Variants in CACNA1C observed in about 807,000 individuals in gnomAD.
CACNA1C encodes calcium voltage-gated channel subunit alpha1 C, also known as voltage-dependent L-type calcium channel subunit alpha-1C.
In CACNA1C, 30 loss-of-function variants were observed where a neutral mutation model predicts 229.0. The ratio of observed to expected loss-of-function variants is 0.13; its 90% CI spans 0.10 to 0.18. The LOEUF (loss-of-function observed/expected upper bound fraction) is 0.18. CACNA1C is among the 10% of genes least tolerant of loss of function. The pLI is 1.00. For missense variants in CACNA1C, 1,658 were observed against 2,845.0 expected (o/e 0.58, Z 9.49); for synonymous variants, 1,114 against 1,132.5 (o/e 0.98, Z 0.33).
intron 1 of CACNA1C, among the ~76,000 whole-genome samples, chr12:2,039,514 A>C (rs1488785176): frequency 6.6e-6 from 1 of 152,250 alleles, no homozygotes; most frequent in Admixed American, 6.5e-5. Context: ...ACTGTGAGCC[A>C]AGTACTATTC....
chr12:2,535,374 G>A (rs2099850898), intron 9 of CACNA1C, among the ~76,000 whole-genome samples: 1 of 150,338 alleles, frequency 6.7e-6, no homozygotes, highest in African/African-American at 2.5e-5. Context: ...GGACAACAGA[G>A]TGAGGCCCTG....
In CACNA1C at chr12:2,695,025, T is replaced by G. The variant is rs754335134; in HGVS notation, c.*3826T>G. The G allele has an allele frequency of 1.1e-4, 17 of 152,196 alleles. No homozygotes were observed. Among genetic ancestry groups the G allele is most frequent in the Non-Finnish European group, 2.4e-4 (16 of 68,014 alleles). The allele number at this position is 152,196 out of a possible 1,614,324, so 9.4% of individuals were successfully genotyped here. A position where few individuals can be genotyped will look rare whatever the true frequency, so the allele number is the denominator to read the frequency against. On this transcript the variant is annotated 3_prime_UTR_variant, in exon 47 of 47. Coordinates refer to ENST00000399655, the MANE Select transcript of CACNA1C (RefSeq NM_000719.7). ...TATCATTGTCAAGGATTAGAAACAA[T>G]TCAGCAAAGAGGCCACAAAAAGGGC...
At chr12:2,457,490 G>A (rs1434545350) in intron 4 of CACNA1C, 77 bp from the exon 5 acceptor site, 1 of 1,490,408 alleles carries the variant, frequency 6.7e-7, no homozygotes, top group Non-Finnish European at 9.1e-7. Flanking sequence ...TTTCCGGGCT[G>A]TATCCAGAGG....
chr12:1,983,843 T>TAAA (rs563139361), intron 1 of CACNA1C, among the ~76,000 whole-genome samples: 2 of 148,318 alleles, frequency 1.3e-5, no homozygotes, highest in Non-Finnish European at 3.0e-5. Context: ...ACTGCAGAAT[T>TAAA]AAAAAAAAAA....
chr12:2,402,319 C>T (rs1032805781), intron 3 of CACNA1C, among the ~76,000 whole-genome samples: 3 of 152,244 alleles, frequency 2.0e-5, no homozygotes, highest in Non-Finnish European at 2.9e-5. Context: ...CCACGTGCAA[C>T]GTGGCTGGCT....
intron 30 of CACNA1C, among the ~76,000 whole-genome samples, chr12:2,641,098 GC>G (rs2093641435): frequency 6.6e-6 from 1 of 152,232 alleles, no homozygotes; most frequent in Non-Finnish European, 1.5e-5. Context: ...ACTGCCCATA[GC>G]TGTGATGAGG....
At chr12:2,546,290 T>G (rs1438984076) in intron 9 of CACNA1C, among the ~76,000 whole-genome samples, 3 of 149,932 alleles carry the variant, frequency 2.0e-5, no homozygotes, top group African/African-American at 4.9e-5. Context: ...CACACTATTC[T>G]GTGTAGTAGC....
chr12:2,490,713 A>G (rs1223569589), intron 6 of CACNA1C, among the ~76,000 whole-genome samples: 2 of 152,230 alleles, frequency 1.3e-5, no homozygotes, highest in East Asian at 1.9e-4. Flanking sequence ...GTAGCATCAC[A>G]TCCAAATCTC....
intron 9 of CACNA1C, among the ~76,000 whole-genome samples, chr12:2,518,736 G>T (rs943864442): frequency 6.6e-6 from 1 of 152,140 alleles, no homozygotes; most frequent in East Asian, 1.9e-4. Context: ...GATTACATGA[G>T]AAGACATGCC....
At chr12:2,253,066 GT>G (rs1223078274) in intron 3 of CACNA1C, among the ~76,000 whole-genome samples, 2 of 152,172 alleles carry the variant, frequency 1.3e-5, no homozygotes, top group African/African-American at 4.8e-5. Context: ...TTATGCCCTT[GT>G]CCCCAGGGGA....
At chr12:2,079,899 C>A (rs971653415) in intron 1 of CACNA1C, among the ~76,000 whole-genome samples, 14 of 152,116 alleles carry the variant, frequency 9.2e-5, no homozygotes, top group Non-Finnish European at 1.6e-4. Context: ...GAAGAGTCAG[C>A]AGATATAACA....
At chr12:2,191,980 A>G (rs1401317223) in intron 3 of CACNA1C, among the ~76,000 whole-genome samples, 1 of 152,052 alleles carries the variant, frequency 6.6e-6, no homozygotes, top group Non-Finnish European at 1.5e-5. Context: ...GCACACGTGT[A>G]CACGCACGCA....
chr12:2,101,001 C>CAA lies in CACNA1C; in HGVS notation c.50-14208_50-14207dup, dbSNP rs551820516. 4.2e-3 allele frequency among the ~76,000 whole-genome samples: 302 copies of CAA among 72,256 alleles called. 3 individuals carry two copies. Among genetic ancestry groups the CAA allele is most frequent in the Middle Eastern group, 0.01 (1 of 98 alleles). The allele number at this position is 72,256 out of a possible 152,430, so 47.4% of individuals were successfully genotyped here. On this transcript the variant is annotated intron_variant, in intron 1 of 46. Coordinates refer to ENST00000399655, the MANE Select transcript of CACNA1C (RefSeq NM_000719.7). ...TGGGCGACAAGGGTGAGACCCATCT[C>CAA]AAAAAAAAAAAAAAAAGAAAAAAGA...
intron 1 of CACNA1C, among the ~76,000 whole-genome samples, chr12:1,975,861 C>CGTG (rs1005643062): frequency 1.3e-5 from 2 of 152,094 alleles, no homozygotes; most frequent in African/African-American, 4.8e-5. Flanking sequence ...AGGTTCTCTC[C>CGTG]GTGAGTCCCC....
At chr12:2,180,126 G>T (rs1362591035) in intron 3 of CACNA1C, among the ~76,000 whole-genome samples, 1 of 152,244 alleles carries the variant, frequency 6.6e-6, no homozygotes, top group Admixed American at 6.5e-5. Context: ...AGTGTCTGTT[G>T]TAAGGTTGAG....
intron 3 of CACNA1C, among the ~76,000 whole-genome samples, chr12:2,214,966 C>T (rs189913338): frequency 3.2e-4 from 48 of 152,174 alleles, no homozygotes; most frequent in Admixed American, 3.1e-3. Flanking sequence ...CCCCACGTCC[C>T]CTTTCCCCCA....
chr12:2,010,401 G>C (rs996747881), intron 1 of CACNA1C, among the ~76,000 whole-genome samples: 11 of 152,134 alleles, frequency 7.2e-5, no homozygotes, highest in African/African-American at 2.7e-4. Flanking sequence ...CATCTACCAG[G>C]GGGGGCTTTT....
At chr12:2,200,633 A>G (rs1302778541) in intron 3 of CACNA1C, among the ~76,000 whole-genome samples, 1 of 152,222 alleles carries the variant, frequency 6.6e-6, no homozygotes, top group Non-Finnish European at 1.5e-5. Flanking sequence ...TGTTGCAGGA[A>G]CCGGGATAGA....
At chr12:2,119,095 G>A (rs1414244926) in intron 2 of CACNA1C, among the ~76,000 whole-genome samples, 3 of 152,194 alleles carry the variant, frequency 2.0e-5, no homozygotes, top group Non-Finnish European at 4.4e-5. Context: ...TGGTGATCGG[G>A]AAATCCGGGC....
Sources: allele counts gnomAD v4.1 joint callset (sites outside exome capture counted in the v4.1 genomes callset), GRCh38; gene constraint gnomAD v4.1.1; transcripts MANE v1.5; gene names NCBI Gene and HGNC (gene_info 2026-07-23, HGNC 2026-07-21).